Variants in CDK8 observed in about 807,000 individuals in gnomAD.
CDK8 encodes cyclin dependent kinase 8.
CDK8 carries 29 observed loss-of-function variants against 71.5 expected under a neutral mutation model. The ratio of observed to expected loss-of-function variants is 0.41; its 90% CI spans 0.30 to 0.55. The LOEUF is 0.55. Among genes scored for constraint, CDK8 ranks in the 20% least tolerant of loss-of-function variants. The pLI, the probability that CDK8 is intolerant of heterozygous loss-of-function variation, is 0.37. For missense variants in CDK8, 288 were observed against 572.6 expected, an observed-to-expected ratio of 0.50 and a Z score of 5.07; for synonymous variants, 161 against 192.1, an observed-to-expected ratio of 0.84 and a Z score of 1.34.
chr13:26,345,840 G>A (rs1194990493), intron 2 of CDK8, among the ~76,000 whole-genome samples: 2 of 152,088 alleles, frequency 1.3e-5, no homozygotes, highest in Admixed American at 6.6e-5. Flanking sequence ...TCATTTATTC[G>A]TGTGTTTACC....
chr13:26,309,329 C>T (rs1048390412), intron 1 of CDK8, among the ~76,000 whole-genome samples: 9 of 151,914 alleles, frequency 5.9e-5, no homozygotes, highest in Non-Finnish European at 1.2e-4. Flanking sequence ...TTAGTAGAGA[C>T]GGGGTTTCAC....
intron 2 of CDK8, among the ~76,000 whole-genome samples, chr13:26,343,334 G>A (rs1873321496): frequency 6.6e-6 from 1 of 151,930 alleles, no homozygotes; most frequent in Non-Finnish European, 1.5e-5. Flanking sequence ...CTAAATATTT[G>A]TATATCTGAG....
intron 1 of CDK8, among the ~76,000 whole-genome samples, chr13:26,262,986 G>A (rs922587640): frequency 6.6e-6 from 1 of 152,170 alleles, no homozygotes; most frequent in Non-Finnish European, 1.5e-5. Flanking sequence ...ATGATGAAGG[G>A]CCTACTCTGG....
At chr13:26,334,838 T>C (rs535420197) in intron 1 of CDK8, among the ~76,000 whole-genome samples, 3 of 152,330 alleles carry the variant, frequency 2.0e-5, no homozygotes, top group East Asian at 1.9e-4. Context: ...TATGACCTCA[T>C]TGCCACTTTC....
chr13:26,351,332 G>T (rs903142136), intron 3 of CDK8, among the ~76,000 whole-genome samples: 1 of 151,818 alleles, frequency 6.6e-6, no homozygotes, highest in African/African-American at 2.4e-5. Flanking sequence ...GTTCATGCTG[G>T]TTATTAATTT....
chr13:26,358,692 A>G (rs1027627084), intron 4 of CDK8, among the ~76,000 whole-genome samples: 1 of 152,256 alleles, frequency 6.6e-6, no homozygotes, highest in African/African-American at 2.4e-5. Context: ...TTGTATATGC[A>G]TGTTCATAGC....
intron 4 of CDK8, among the ~76,000 whole-genome samples, chr13:26,354,523 A>G (rs1251113311): frequency 6.6e-6 from 1 of 152,188 alleles, no homozygotes; most frequent in East Asian, 1.9e-4. Context: ...ATGGCTCATT[A>G]GGGACCAGGC....
chr13:26,266,065 G>C (rs1872005263), intron 1 of CDK8, among the ~76,000 whole-genome samples: 1 of 147,838 alleles, frequency 6.8e-6, no homozygotes, highest in African/African-American at 2.7e-5. Context: ...GAACAAGTGA[G>C]AACCAAGGAT....
chr13:26,268,256 A>AAC (rs3027999), intron 1 of CDK8, among the ~76,000 whole-genome samples: 6,906 of 116,632 alleles, frequency 0.059, 353 homozygotes, highest in African/African-American at 0.11. Flanking sequence ...CCCCTCCCCC[A>AAC]ACACACACAC....
chr13:26,320,218 G>T (rs1422912579), intron 1 of CDK8, among the ~76,000 whole-genome samples: 1 of 151,678 alleles, frequency 6.6e-6, no homozygotes, highest in East Asian at 1.9e-4. Context: ...TGGGCAAAAT[G>T]GCGAGACCTT....
At position 26,301,212 on chromosome 13, in the gene CDK8, CTTTTTTT is replaced by C. The variant is rs36054795; in HGVS notation, c.129-36339_129-36333del. The stretch of plus-strand genomic sequence containing the variant: ...CAATAAATCTGCCATTATCAGTAGA[CTTTTTTT>C]TTTTTTTTTTTTTTTGCCTACAGAA... On this transcript the variant is annotated intron_variant, in intron 1 of 12. Coordinates refer to ENST00000381527, the MANE Select transcript of CDK8 (RefSeq NM_001260.3). Among the ~76,000 whole-genome samples the C allele has an allele frequency of 2.0e-4, 19 of 92,906 alleles. 1 individual carries two copies. The highest frequency in any genetic ancestry group is 7.2e-3 in the Middle Eastern group (1 of 138). The allele number at this position is 92,906 out of a possible 152,430, so 60.9% of individuals were successfully genotyped here.
In CDK8 at chr13:26,254,582, G is replaced by C. The variant is rs1871428989; in HGVS notation, c.-60G>C. The C allele has an allele frequency of 2.1e-5, 28 of 1,338,136 alleles. No homozygotes were observed. The highest frequency in any genetic ancestry group is 2.2e-5 in the Non-Finnish European group (22 of 983,270). The allele number at this position is 1,338,136 out of a possible 1,614,324, so 82.9% of individuals were successfully genotyped here. A position where few individuals can be genotyped will look rare whatever the true frequency, so the allele number is the denominator to read the frequency against. ...GGGCTGCGGCTGCCCGTGCTTCCCCGGTCCCCACCCCTGCCCCCCGGCCCC... is the reference window on the plus strand; with the variant it reads ...GGGCTGCGGCTGCCCGTGCTTCCCCCGTCCCCACCCCTGCCCCCCGGCCCC... On this transcript the variant is annotated 5_prime_UTR_variant, in exon 1 of 13. Coordinates refer to ENST00000381527, the MANE Select transcript of CDK8 (RefSeq NM_001260.3). This position sits in a 1 kb window ranked among gnomAD's most constrained non-coding sequence, Gnocchi z 6.7.
At chr13:26,369,865 A>AT (rs1312756398) in intron 4 of CDK8, among the ~76,000 whole-genome samples, 2 of 151,858 alleles carry the variant, frequency 1.3e-5, no homozygotes, top group Non-Finnish European at 2.9e-5. Context: ...CGGTTGGACG[A>AT]TTTTTGACTA....
intron 4 of CDK8, among the ~76,000 whole-genome samples, chr13:26,376,929 A>G (rs1874981633): frequency 6.6e-6 from 1 of 152,256 alleles, no homozygotes; most frequent in African/African-American, 2.4e-5. Flanking sequence ...ATTAATAGAA[A>G]TAGACGAAAG....
intron 6 of CDK8, 91 bp downstream of exon 6, chr13:26,385,433 A>G (rs1875427776): frequency 1.8e-6 from 2 of 1,088,050 alleles, no homozygotes; most frequent in South Asian, 1.8e-5. Context: ...GTAGTATAGC[A>G]AATTATAAAA....
intron 4 of CDK8, among the ~76,000 whole-genome samples, chr13:26,357,372 AC>A (rs953751530): frequency 1.3e-5 from 2 of 152,228 alleles, no homozygotes; most frequent in Non-Finnish European, 2.9e-5. Flanking sequence ...ATTGATCCAA[AC>A]CAAACTTTTT....
intron 1 of CDK8, among the ~76,000 whole-genome samples, chr13:26,321,221 T>G (rs1336525603): frequency 1.3e-5 from 2 of 152,130 alleles, no homozygotes; most frequent in Admixed American, 1.3e-4. Flanking sequence ...GGTAGGAAAT[T>G]CTGACATACG....
intron 1 of CDK8, among the ~76,000 whole-genome samples, chr13:26,268,604 T>C (rs1014926406): frequency 1.3e-5 from 2 of 152,158 alleles, no homozygotes; most frequent in Non-Finnish European, 2.9e-5. Flanking sequence ...GCACAGGCTA[T>C]AGGACTATGC....
At chr13:26,299,972 G>A (rs793119) in intron 1 of CDK8, among the ~76,000 whole-genome samples, 144,033 of 152,220 alleles carry the variant, frequency 0.95, 68,191 homozygotes, top group East Asian at 1. Context: ...GGTCAGTGCA[G>A]AAATGAGCCA....
Sources: allele counts gnomAD v4.1 joint callset (sites outside exome capture counted in the v4.1 genomes callset), GRCh38; gene constraint gnomAD v4.1.1; non-coding constraint Gnocchi (gnomAD v3.1); transcripts MANE v1.5; gene names NCBI Gene and HGNC (gene_info 2026-07-23, HGNC 2026-07-21).